The following RASL11B variants were observed in gnomAD, a reference collection of about 807,000 sequenced individuals.
RASL11B encodes RAS like family 11 member B.
In RASL11B, 14 loss-of-function variants were observed where a neutral mutation model predicts 22.9. The observed-to-expected ratio is 0.61, with a 90% confidence interval of 0.40 to 0.96. The LOEUF (loss-of-function observed/expected upper bound fraction) is 0.96. RASL11B is among the 40% of genes least tolerant of loss of function. The pLI, the probability that RASL11B is intolerant of heterozygous loss-of-function variation, is 0.00. For synonymous variants in RASL11B, 143 were observed against 130.2 expected (o/e 1.10, Z -0.67); for missense variants, 261 against 322.0 (o/e 0.81, Z 1.45).
chr4:52,865,423 A>G lies in RASL11B; in HGVS notation c.365A>G (p.Asp122Gly), dbSNP rs769265041. The G allele has an allele frequency of 6.2e-7, 1 of 1,614,142 alleles. No individual in the cohort carries two copies. Among genetic ancestry groups the G allele is most frequent in the Non-Finnish European group, 8.5e-7 (1 of 1,180,032 alleles). ...DAVVIVFSIT[D>G]YKSYELISQL... is the part of the protein sequence containing the mutation. The stretch of plus-strand genomic sequence containing the variant: ...GTGGTGATCGTTTTCTCCATCACTG[A>G]CTACAAGAGCTATGAACTCATCAGC... The change falls in exon 4 of 4, where the codon GAC becomes GGC. Residue 122 changes from aspartate (D) to glycine (G), a missense_variant. Asp to Gly is a moderately conservative substitution (Grantham distance 94). Transcript: ENST00000248706.
chr4:52,862,555 G>A lies in RASL11B; in HGVS notation c.48G>A (p.Pro16=), dbSNP rs960963952. The part of the protein sequence containing the change: ...NMCTIAEYPA[P]GNAAASDCCV... Reference sequence around the variant, plus strand: ...GCACCATCGCCGAGTACCCCGCGCCGGGCAACGCCGCGGCCTCCGACTGCT... The same window carrying A: ...GCACCATCGCCGAGTACCCCGCGCCAGGCAACGCCGCGGCCTCCGACTGCT... The change falls in exon 1 of 4, where the codon CCG becomes CCA. Residue 16 remains proline, a synonymous_variant. Coordinates refer to ENST00000248706, the MANE Select transcript of RASL11B (RefSeq NM_023940.3). The A allele has an allele frequency of 5.0e-6, 8 of 1,605,170 alleles. No homozygotes were observed. Among genetic ancestry groups the A allele is most frequent in the Admixed American group, 1.7e-5 (1 of 59,666 alleles).
intron 1 of RASL11B, 96 bp downstream of exon 1, chr4:52,862,745 C>G (rs1442321595): frequency 7.3e-7 from 1 of 1,360,974 alleles, no homozygotes; most frequent in Non-Finnish European, 9.7e-7. Flanking sequence ...AGCTGCAGCC[C>G]GACCGCTCTC....
At position 52,862,525 on chromosome 4, in the gene RASL11B, CAT is replaced by C. The variant is rs1560463230; in HGVS notation, c.19_20del (p.Met7ValfsTer54). On this transcript the variant is annotated frameshift_variant, in exon 1 of 4. Transcript: ENST00000248706. LOFTEE classifies it high-confidence loss of function. The part of the protein sequence containing the change: MRLIQN[M>X]CTIAEYPAPG... ...CCGAGGCGATGCGCCTCATTCAGAACATGTGCACCATCGCCGAGTACCCCGCG... is the reference window on the plus strand; with the variant it reads ...CCGAGGCGATGCGCCTCATTCAGAACGTGCACCATCGCCGAGTACCCCGCG... 1.2e-6 allele frequency: 2 copies of C among 1,606,702 alleles called. No homozygotes were observed. The highest frequency in any genetic ancestry group is 1.7e-6 in the Non-Finnish European group (2 of 1,177,582).
At position 52,864,667 on chromosome 4, in the gene RASL11B, CT is replaced by C. The variant is rs1718225676; in HGVS notation, c.276+114del. ...ATCAGAGAAATTTGGGGAGTCACAT[CT>C]AGACTTTTACATGTCTGACAATTCA... On this transcript the variant is annotated intron_variant, in intron 3 of 3. Coordinates refer to ENST00000248706, the MANE Select transcript of RASL11B (RefSeq NM_023940.3). The C allele has an allele frequency of 5.2e-6, 4 of 763,856 alleles. No homozygotes were observed. In the East Asian group the frequency reaches 9.8e-5, roughly 19 times the overall value. The allele number at this position is 763,856 out of a possible 1,614,324, so 47.3% of individuals were successfully genotyped here.
chr4:52,862,961 C>CT (rs1242886864), intron 1 of RASL11B, among the ~76,000 whole-genome samples: 1 of 151,982 alleles, frequency 6.6e-6, no homozygotes, highest in Non-Finnish European at 1.5e-5. Flanking sequence ...TGAAGCTAGC[C>CT]CCCCTGGGAG....
chr4:52,862,442 C>G lies in RASL11B; in HGVS notation c.-66C>G, dbSNP rs113365718. ...CCGCAGTCGGGTCCTCCCGCCCGCTCCCGCGCAGCGCTAGCATTCTCCAGT... is the reference window on the plus strand; with the variant it reads ...CCGCAGTCGGGTCCTCCCGCCCGCTGCCGCGCAGCGCTAGCATTCTCCAGT... On this transcript the variant is annotated 5_prime_UTR_variant, in exon 1 of 4. Coordinates refer to ENST00000248706, the MANE Select transcript of RASL11B (RefSeq NM_023940.3). 693 of 1,535,020 alleles carry G rather than the reference C, an allele frequency of 4.5e-4. 2 individuals are homozygous for G. The African/African-American group carries it at 8.8e-3, about 19-fold the overall frequency.
chr4:52,865,054 A>G (rs1213569610), intron 3 of RASL11B, among the ~76,000 whole-genome samples: 3 of 152,278 alleles, frequency 2.0e-5, no homozygotes, highest in Admixed American at 6.5e-5. Context: ...CTGTCTAGCC[A>G]GTTAATTTCC....
intron 3 of RASL11B, among the ~76,000 whole-genome samples, chr4:52,865,133 T>TA (rs755843878): frequency 7.9e-5 from 12 of 152,212 alleles, no homozygotes; most frequent in Non-Finnish European, 1.5e-4. Flanking sequence ...TTGAGTGTGG[T>TA]AAGCTGCACT....
Position 52,862,578 on chromosome 4 carries a change from G to T in RASL11B, c.71G>T (p.Cys24Phe), listed in dbSNP as rs1271244748. 1 of 1,602,912 alleles carries T rather than the reference G, an allele frequency of 6.2e-7. No individual in the cohort carries two copies. Among genetic ancestry groups the T allele is most frequent in the South Asian group, 1.1e-5 (1 of 90,578 alleles). The change falls in exon 1 of 4, where the codon TGC (cysteine) becomes TTC (phenylalanine). Residue 24 changes from cysteine (C) to phenylalanine (F), a missense_variant. Coordinates refer to ENST00000248706, the MANE Select transcript of RASL11B (RefSeq NM_023940.3). ...PAPGNAAASD[C>F]CVGAAGRRLV... is the part of the protein sequence containing the mutation. The stretch of plus-strand genomic sequence containing the variant: ...CCGGGCAACGCCGCGGCCTCCGACT[G>T]CTGTGTGGGCGCCGCCGGCCGCCGC...
chr4:52,862,779 C>A, intron 1 of RASL11B, 130 bp downstream of exon 1: 1 of 1,134,030 alleles, frequency 8.8e-7, no homozygotes, highest in Non-Finnish European at 1.2e-6. Flanking sequence ...GGAGCCGCTG[C>A]CCCTTGGGAG....
At chr4:52,863,636 G>C in intron 2 of RASL11B, 1 of 272,152 alleles carries the variant, frequency 3.7e-6, no homozygotes, top group Non-Finnish European at 7.0e-6. Flanking sequence ...AAACACTCCT[G>C]CAAAAGTCGT....
chr4:52,862,376 A>T lies in RASL11B; in HGVS notation c.-132A>T. Reference sequence around the variant, plus strand: ...CGGCGCTCGGCCCCACCCCGCCCGTACCTGCACTTATTTATTGTTGTTATT... The same window carrying T: ...CGGCGCTCGGCCCCACCCCGCCCGTTCCTGCACTTATTTATTGTTGTTATT... On this transcript the variant is annotated 5_prime_UTR_variant, in exon 1 of 4. Transcript: ENST00000248706. 1 of 461,418 alleles carries T rather than the reference A, an allele frequency of 2.2e-6. No homozygotes were observed. Among genetic ancestry groups the T allele is most frequent in the Non-Finnish European group, 3.4e-6 (1 of 295,002 alleles). The allele number at this position is 461,418 out of a possible 1,614,324, so 28.6% of individuals were successfully genotyped here.
chr4:52,863,019 G>A (rs945174621), intron 1 of RASL11B, among the ~76,000 whole-genome samples: 1 of 152,152 alleles, frequency 6.6e-6, no homozygotes, highest in African/African-American at 2.4e-5. Flanking sequence ...CTTAGGTGTG[G>A]CTCAGCCGGG....
chr4:52,862,545 A>G lies in RASL11B; in HGVS notation c.38A>G (p.Tyr13Cys), dbSNP rs1200310660. 1 of 1,605,792 alleles carries G rather than the reference A, an allele frequency of 6.2e-7. No individual in the cohort carries two copies. Among genetic ancestry groups the G allele is most frequent in the East Asian group, 2.3e-5 (1 of 44,216 alleles). Residue 13 changes from tyrosine to cysteine, a missense_variant, in exon 1 of 4, where the codon TAC becomes TGC. Transcript: ENST00000248706. ...LIQNMCTIAE[Y>C]PAPGNAAASD... ...CAGAACATGTGCACCATCGCCGAGTACCCCGCGCCGGGCAACGCCGCGGCC... is the reference window on the plus strand; with the variant it reads ...CAGAACATGTGCACCATCGCCGAGTGCCCCGCGCCGGGCAACGCCGCGGCC...
chr4:52,864,658 G>T, intron 3 of RASL11B, 104 bp downstream of exon 3: 1 of 801,152 alleles, frequency 1.2e-6, no homozygotes. Context: ...GAAATTTGGG[G>T]AGTCACATCT....
In RASL11B at chr4:52,866,359, G is replaced by A. The variant is rs1317891904; in HGVS notation, c.*554G>A. ...AGGATACCCAGATTTCTTTCTTTAT[G>A]TACAAGATGGAAAATCCCCTACCCC... On this transcript the variant is annotated 3_prime_UTR_variant, in exon 4 of 4. Transcript: ENST00000248706. 6.5e-6 allele frequency: 1 copy of A among 153,592 alleles called. No homozygotes were observed. Among genetic ancestry groups the A allele is most frequent in the African/African-American group, 2.4e-5 (1 of 41,354 alleles). 9.5% of individuals were successfully genotyped at this position (153,592 alleles called of 1,614,324 possible).
rs1488392459 is a variant in RASL11B, at chr4:52,865,855, A to AG, written c.*52dup. 9 of 1,364,088 alleles carry AG rather than the reference A, an allele frequency of 6.6e-6. No homozygotes were observed. Among genetic ancestry groups the AG allele is most frequent in the Non-Finnish European group, 9.3e-6 (9 of 971,032 alleles). The allele number at this position is 1,364,088 out of a possible 1,614,324, so 84.5% of individuals were successfully genotyped here. On this transcript the variant is annotated 3_prime_UTR_variant, in exon 4 of 4. Coordinates refer to ENST00000248706, the MANE Select transcript of RASL11B (RefSeq NM_023940.3). ...TTGGTCTTCCCAGGAAGAGGGCCTG[A>AG]GGTTCTCCTAGTGCAGGAACGTTGA...
intron 3 of RASL11B, 120 bp from the exon 4 acceptor site, chr4:52,865,212 AGTT>A: frequency 3.0e-6 from 2 of 670,710 alleles, no homozygotes; most frequent in Non-Finnish European, 5.1e-6. Context: ...GTGGGATATA[AGTT>A]GTTTATGGCC....
Position 52,862,488 on chromosome 4 carries a change from G to T in RASL11B, c.-20G>T. 1 of 1,599,712 alleles carries T rather than the reference G, an allele frequency of 6.3e-7. No homozygotes were observed. Among genetic ancestry groups the T allele is most frequent in the South Asian group, 1.1e-5 (1 of 89,974 alleles). ...CCAGTCCCTCAGTCCCTTCCCGCGC[G>T]GTGCGCCGCAGCCGAGGCGATGCGC... On this transcript the variant is annotated 5_prime_UTR_variant, in exon 1 of 4. Coordinates refer to ENST00000248706, the MANE Select transcript of RASL11B (RefSeq NM_023940.3).
Sources: gnomAD v4.1 joint callset for allele counts (sites outside exome capture counted in the v4.1 genomes callset) on GRCh38, gnomAD v4.1.1 for gene constraint, MANE v1.5 for transcripts, NCBI Gene and HGNC (gene_info 2026-07-23, HGNC 2026-07-21) for gene names.